Variants in MTCL1 observed in about 807,000 individuals in gnomAD.
The protein encoded by MTCL1 is microtubule cross-linking factor 1.
Under a neutral mutation model 141.4 loss-of-function variants are expected in MTCL1, and 79 were observed. The observed-to-expected ratio is 0.56, with a 90% confidence interval of 0.47 to 0.67. The LOEUF (loss-of-function observed/expected upper bound fraction) is 0.67. MTCL1 is among the 30% of genes least tolerant of loss of function. The pLI, the probability that MTCL1 is intolerant of heterozygous loss-of-function variation, is 0.00. For synonymous variants in MTCL1, 914 were observed against 875.8 expected, an observed-to-expected ratio of 1.04 and a Z score of -0.77; for missense variants, 2,177 against 2,113.9, an observed-to-expected ratio of 1.03 and a Z score of -0.59.
chr18:8,709,853 T>A (rs1410268297), intron 1 of MTCL1, among the ~76,000 whole-genome samples: 3 of 152,206 alleles, frequency 2.0e-5, no homozygotes, highest in Non-Finnish European at 4.4e-5. Context: ...TTATTTATTT[T>A]TTTTGAGACG....
intron 7 of MTCL1, among the ~76,000 whole-genome samples, chr18:8,792,632 G>A (rs575332092): frequency 2.4e-4 from 36 of 152,302 alleles, no homozygotes; most frequent in Middle Eastern, 6.8e-3. Flanking sequence ...TGCTTGCCTC[G>A]GTCATAGTCG....
rs997838827 is a variant in MTCL1, at chr18:8,794,241, T to C, written c.2010+1121T>C. 3.1e-4 allele frequency among the ~76,000 whole-genome samples: 47 copies of C among 152,200 alleles called. 1 individual carries two copies. Among genetic ancestry groups the C allele is most frequent in the African/African-American group, 1.1e-3 (47 of 41,446 alleles). ...ATCACTGAAGATGCTGCTAGCACAG[T>C]GTCCATGGCCCACGTGTTTCTAGTA... On this transcript the variant is annotated intron_variant, in intron 8 of 16. Coordinates refer to ENST00000359865, the Ensembl canonical transcript of MTCL1.
At chr18:8,718,345 G>A (rs1456498146) in intron 2 of MTCL1, 79 bp from the exon 2 acceptor site, 26 of 1,355,250 alleles carry the variant, frequency 1.9e-5, no homozygotes, top group Non-Finnish European at 2.7e-5. Context: ...TTAGTATTGA[G>A]GAGCGGGTAT....
chr18:8,796,340 A>G, exon 9 of MTCL1: 1 of 1,614,208 alleles, frequency 6.2e-7, no homozygotes, highest in Non-Finnish European at 8.5e-7. Flanking sequence ...GAAGAATCTG[A>G]TGCAGCAGGA....
chr18:8,759,842 C>T (rs2096421437), intron 4 of MTCL1, among the ~76,000 whole-genome samples: 1 of 152,100 alleles, frequency 6.6e-6, no homozygotes, highest in South Asian at 2.1e-4. Context: ...TGGCACCCAT[C>T]AGTGAGAGGT....
At chr18:8,732,982 G>A (rs1309688787) in intron 4 of MTCL1, among the ~76,000 whole-genome samples, 1 of 152,252 alleles carries the variant, frequency 6.6e-6, no homozygotes, top group African/African-American at 2.4e-5. Flanking sequence ...GGGTGCGGAT[G>A]TGCTCTGGTT....
Position 8,826,282 on chromosome 18 carries a change from A to G in MTCL1, c.4722+50A>G, listed in dbSNP as rs754558737. 3 of 1,449,934 alleles carry G rather than the reference A, an allele frequency of 2.1e-6. No homozygotes were observed. The South Asian group carries it at 4.2e-5, about 21-fold the overall frequency. 89.8% of individuals were successfully genotyped at this position (1,449,934 alleles called of 1,614,324 possible). On this transcript the variant is annotated intron_variant, in intron 15 of 16. Transcript: ENST00000359865. Reference sequence around the variant, plus strand: ...CCCTTCCCCACCAGCTCTTCCCTTTAGCTGTGGGGCAGGTTGGGACTTGGG... The same window carrying G: ...CCCTTCCCCACCAGCTCTTCCCTTTGGCTGTGGGGCAGGTTGGGACTTGGG...
intron 10 of MTCL1, among the ~76,000 whole-genome samples, chr18:8,799,734 G>A (rs954729975): frequency 1.3e-5 from 2 of 152,164 alleles, no homozygotes; most frequent in African/African-American, 2.4e-5. Context: ...TGTTTCCCAC[G>A]CATTCACGCA....
chr18:8,709,746 A>G lies in MTCL1; in HGVS notation c.1053+3033A>G, dbSNP rs10468787. Among the ~76,000 whole-genome samples, 320 of 152,374 alleles carry G rather than the reference A, an allele frequency of 2.1e-3. 2 individuals carry two copies. Among genetic ancestry groups the G allele is most frequent in the African/African-American group, 7.1e-3 (294 of 41,590 alleles). ...CAAAGCCCAATTCAATAGAAAAATAAGTCCAGCAAAACCTTAGGAGGATAT... is the reference window on the plus strand; with the variant it reads ...CAAAGCCCAATTCAATAGAAAAATAGGTCCAGCAAAACCTTAGGAGGATAT... On this transcript the variant is annotated intron_variant, in intron 1 of 13. Coordinates refer to the MTCL1 transcript ENST00000306329.
chr18:8,720,474 A>G, exon 4 of MTCL1: 4 of 1,614,034 alleles, frequency 2.5e-6, no homozygotes, highest in Non-Finnish European at 3.4e-6. Flanking sequence ...GCCCTCCAGA[A>G]TGAGCTGGAG....
chr18:8,714,854 T>C (rs529603354), upstream of MTCL1, among the ~76,000 whole-genome samples: 3 of 152,206 alleles, frequency 2.0e-5, no homozygotes, highest in South Asian at 6.2e-4. Flanking sequence ...TGGAGTGCAG[T>C]GGCGCGATTT....
chr18:8,739,947 G>A (rs1434691863), intron 4 of MTCL1, among the ~76,000 whole-genome samples: 6 of 152,232 alleles, frequency 3.9e-5, no homozygotes, highest in African/African-American at 1.2e-4. Context: ...TGGCCAGGAT[G>A]TTCTCAATCT....
intron 4 of MTCL1, among the ~76,000 whole-genome samples, chr18:8,726,683 C>T (rs1004832504): frequency 2.0e-5 from 3 of 152,092 alleles, no homozygotes; most frequent in Admixed American, 6.6e-5. Flanking sequence ...AGGGCATAAA[C>T]GTTCAGTCCA....
chr18:8,795,659 A>G (rs2075891267), intron 8 of MTCL1, among the ~76,000 whole-genome samples: 1 of 152,104 alleles, frequency 6.6e-6, no homozygotes, highest in Non-Finnish European at 1.5e-5. Flanking sequence ...AGGCTATCAG[A>G]CTCACTTTTC....
chr18:8,803,792 G>A (rs1291767356), intron 10 of MTCL1, among the ~76,000 whole-genome samples: 1 of 152,196 alleles, frequency 6.6e-6, no homozygotes, highest in African/African-American at 2.4e-5. Flanking sequence ...AAATCATTAA[G>A]GCTTAAATTT....
At chr18:8,776,722 G>GTTATTTAT (rs140591538) in intron 4 of MTCL1, among the ~76,000 whole-genome samples, 8 of 142,776 alleles carry the variant, frequency 5.6e-5, no homozygotes, top group East Asian at 2.0e-4. Flanking sequence ...GGAAACACTA[G>GTTATTTAT]TTATTTATTT....
At chr18:8,706,497 T>C (rs1451504257) in exon 1 of MTCL1, 11 of 1,297,468 alleles carry the variant, frequency 8.5e-6, no homozygotes, top group Non-Finnish European at 9.7e-6. Flanking sequence ...CGGGCGCCTG[T>C]CCCGGGGGCC....
Position 8,786,111 on chromosome 18 carries a change from C to CCCA in MTCL1, c.1887+22_1887+23insACC. On this transcript the variant is annotated intron_variant, in intron 7 of 16. Coordinates refer to ENST00000359865, the Ensembl canonical transcript of MTCL1. ...CTGGAGGTCAGCGTGGGCAAGCAAT[C>CCCA]CCCCCCCCCCGCCCTCCCCCTCCTT... is the stretch of plus-strand genomic sequence containing the variant. 7.1e-6 allele frequency: 8 copies of CCCA among 1,128,898 alleles called. No individual in the cohort carries two copies. Among genetic ancestry groups the CCCA allele is most frequent in the Admixed American group, 6.1e-5 (2 of 32,878 alleles). 69.9% of individuals were successfully genotyped at this position (1,128,898 alleles called of 1,614,324 possible). A position where few individuals can be genotyped will look rare whatever the true frequency, so the allele number is the denominator to read the frequency against.
chr18:8,740,353 C>T (rs1181687588), intron 4 of MTCL1, among the ~76,000 whole-genome samples: 2 of 152,104 alleles, frequency 1.3e-5, no homozygotes, highest in Non-Finnish European at 2.9e-5. Context: ...AGAAACAAGA[C>T]AATGGCCAAA....
Sources: gnomAD v4.1 joint callset for allele counts (sites outside exome capture counted in the v4.1 genomes callset) on GRCh38, gnomAD v4.1.1 for gene constraint, MANE v1.5 for transcripts, NCBI Gene and HGNC (gene_info 2026-07-23, HGNC 2026-07-21) for gene names.